Variants in PCDHGA3 observed in about 807,000 individuals in gnomAD.
The protein encoded by PCDHGA3 is protocadherin gamma subfamily A, 3.
In PCDHGA3, 40 loss-of-function variants were observed where a neutral mutation model predicts 58.5. The ratio of observed to expected loss-of-function variants is 0.68; its 90% CI spans 0.53 to 0.89. The LOEUF (loss-of-function observed/expected upper bound fraction) is 0.89. PCDHGA3 is among the 40% of genes least tolerant of loss of function. The pLI, the probability that PCDHGA3 is intolerant of heterozygous loss-of-function variation, is 0.00. For missense variants in PCDHGA3, 1,223 were observed against 1,195.9 expected (o/e 1.02, Z -0.33); for synonymous variants, 530 against 525.7 (o/e 1.01, Z -0.11).
intron 1 of PCDHGA3, chr5:141,390,565 G>T: frequency 4.8e-6 from 2 of 420,818 alleles, no homozygotes. Context: ...ACAGTTGTTG[G>T]CTCTCTCCTA....
At position 141,389,670 on chromosome 5, in the gene PCDHGA3, T is replaced by A. The variant is rs2091868205; in HGVS notation, c.2424+43213T>A. 3 of 1,612,454 alleles carry A rather than the reference T, an allele frequency of 1.9e-6. No homozygotes were observed. The East Asian group carries it at 6.7e-5, about 36-fold the overall frequency. On this transcript the variant is annotated intron_variant, in intron 1 of 3. Transcript: ENST00000253812. The stretch of plus-strand genomic sequence containing the variant: ...CAAGGTAGTGGCGGTGGACGCAGAC[T>A]CAGGACACAACGCCTGGCTGTCCTA...
rs766460257 is a variant in PCDHGA3, at chr5:141,398,407, G to A, written c.2424+51950G>A. 4.0e-5 allele frequency: 59 copies of A among 1,474,004 alleles called. No homozygotes were observed. The Middle Eastern group carries it at 1.0e-3, about 26-fold the overall frequency. 91.3% of individuals were successfully genotyped at this position (1,474,004 alleles called of 1,614,324 possible). A position where few individuals can be genotyped will look rare whatever the true frequency, so the allele number is the denominator to read the frequency against. On this transcript the variant is annotated intron_variant, in intron 1 of 3. Transcript: ENST00000253812. ...TGTGAGCAGCAGGCTAGACAGGGAG[G>A]AGATATGCGGGAAGAAGCCAGCTTG...
At chr5:141,395,131 C>T in intron 1 of PCDHGA3, 1 of 1,614,202 alleles carries the variant, frequency 6.2e-7, no homozygotes, top group Non-Finnish European at 8.5e-7. Flanking sequence ...TTTCCCCAGC[C>T]CAACTACGCA....
chr5:141,409,034 A>C, intron 1 of PCDHGA3: 1 of 1,613,992 alleles, frequency 6.2e-7, no homozygotes, highest in Non-Finnish European at 8.5e-7. Context: ...TGCTGAGATA[A>C]ACTACTACTT....
intron 1 of PCDHGA3, among the ~76,000 whole-genome samples, chr5:141,407,044 A>G (rs972892343): frequency 6.6e-6 from 1 of 152,246 alleles, no homozygotes; most frequent in African/African-American, 2.4e-5. Flanking sequence ...TGTGATCCAT[A>G]GATACACTGA....
At chr5:141,428,185 G>T (rs775261215) in intron 1 of PCDHGA3, 286 of 1,446,232 alleles carry the variant, frequency 2.0e-4, no homozygotes, top group Non-Finnish European at 2.5e-4. Context: ...GAGGACAGCC[G>T]CCGCTCTCTG....
At chr5:141,403,276 C>T (rs1331205396) in intron 1 of PCDHGA3, 3 of 1,613,844 alleles carry the variant, frequency 1.9e-6, no homozygotes, top group Non-Finnish European at 2.5e-6. Context: ...ACTTTAAAGT[C>T]CTGGTTGAAG....
chr5:141,478,481 C>A, intron 1 of PCDHGA3: 1 of 1,613,576 alleles, frequency 6.2e-7, no homozygotes, highest in South Asian at 1.1e-5. Flanking sequence ...CCAGAACACG[C>A]TGCGGAGCTG....
intron 1 of PCDHGA3, among the ~76,000 whole-genome samples, chr5:141,359,265 G>A (rs2149806692): frequency 6.6e-6 from 1 of 152,134 alleles, no homozygotes; most frequent in African/African-American, 2.4e-5. Flanking sequence ...AATATAATTT[G>A]GAAATGCTCA....
chr5:141,383,931 T>C lies in PCDHGA3; in HGVS notation c.2424+37474T>C, dbSNP rs1017184990. ...CAGTTTTAGATGTAAATGATAATGC[T>C]CCAGAAGTGACTATGACGTCTTTAA... On this transcript the variant is annotated intron_variant, in intron 1 of 3. Transcript: ENST00000253812. 2.5e-6 allele frequency: 4 copies of C among 1,613,818 alleles called. No homozygotes were observed. In the South Asian group the frequency reaches 4.4e-5, roughly 18 times the overall value.
At chr5:141,409,614 T>C in intron 1 of PCDHGA3, 1 of 1,613,880 alleles carries the variant, frequency 6.2e-7, no homozygotes, top group Non-Finnish European at 8.5e-7. Flanking sequence ...GGAGCCTCCA[T>C]TGCGCAAGTG....
chr5:141,418,821 C>G (rs750200042), intron 1 of PCDHGA3: 1 of 1,613,846 alleles, frequency 6.2e-7, no homozygotes, highest in Non-Finnish European at 8.5e-7. Flanking sequence ...AACATAGAAG[C>G]AAAAGACCGA....
Position 141,490,109 on chromosome 5 carries a change from G to A in PCDHGA3, c.2425-4698G>A, listed in dbSNP as rs775286436. The A allele has an allele frequency of 3.4e-5, 55 of 1,614,114 alleles. No homozygotes were observed. Among genetic ancestry groups the A allele is most frequent in the African/African-American group, 8.0e-5 (6 of 74,940 alleles). ...GGAGACCACACATCTGAGGCAGTGC[G>A]GAACCTCTTTGGCCTAGACCCTAGC... On this transcript the variant is annotated intron_variant, in intron 1 of 3. Coordinates refer to ENST00000253812, the MANE Select transcript of PCDHGA3 (RefSeq NM_018916.4). This position sits in a 1 kb window ranked among gnomAD's most constrained non-coding sequence, Gnocchi z 5.4.
intron 1 of PCDHGA3, chr5:141,390,108 A>G (rs1450933158): frequency 6.2e-7 from 1 of 1,614,030 alleles, no homozygotes; most frequent in Non-Finnish European, 8.5e-7. Context: ...CCCCAACTAC[A>G]GCGAGGGGAC....
At chr5:141,388,536 G>A (rs1262935958) in intron 1 of PCDHGA3, 1 of 1,613,716 alleles carries the variant, frequency 6.2e-7, no homozygotes, top group Non-Finnish European at 8.5e-7. Context: ...CTTGGACTTT[G>A]GAGCTCCACC....
intron 1 of PCDHGA3, chr5:141,383,403 G>A: frequency 6.2e-7 from 1 of 1,614,000 alleles, no homozygotes; most frequent in Non-Finnish European, 8.5e-7. Flanking sequence ...ACTCCCTCCA[G>A]AGTTACCAGC....
At chr5:141,469,792 A>G (rs989190786) in intron 1 of PCDHGA3, among the ~76,000 whole-genome samples, 1 of 152,194 alleles carries the variant, frequency 6.6e-6, no homozygotes, top group African/African-American at 2.4e-5. Flanking sequence ...GTTATTTGTA[A>G]TTGCAAAAAC....
intron 1 of PCDHGA3, among the ~76,000 whole-genome samples, chr5:141,469,134 G>T (rs2099192163): frequency 6.6e-6 from 1 of 151,944 alleles, no homozygotes; most frequent in Non-Finnish European, 1.5e-5. Context: ...AAATTAGCCA[G>T]AAATGGTGGC....
At chr5:141,359,113 G>T (rs1230584767) in intron 1 of PCDHGA3, among the ~76,000 whole-genome samples, 2 of 152,214 alleles carry the variant, frequency 1.3e-5, no homozygotes, top group Non-Finnish European at 2.9e-5. Flanking sequence ...TTCATAGAAA[G>T]TTGTGGTGCA....
Sources: gnomAD v4.1 joint callset for allele counts (sites outside exome capture counted in the v4.1 genomes callset) on GRCh38, gnomAD v4.1.1 for gene constraint, Gnocchi (gnomAD v3.1) non-coding constraint, MANE v1.5 for transcripts, NCBI Gene and HGNC (gene_info 2026-07-23, HGNC 2026-07-21) for gene names.